The following WDR89 variants were observed in gnomAD, a reference collection of about 807,000 sequenced individuals.
WDR89 encodes the protein WD repeat-containing protein 89.
In WDR89, 17 loss-of-function variants were observed where a neutral mutation model predicts 29.1. The ratio of observed to expected loss-of-function variants is 0.58; its 90% CI spans 0.40 to 0.88. WDR89 has a LOEUF of 0.88. Ranked by LOEUF, WDR89 falls within the 40% of genes least tolerant of loss-of-function variation. The pLI, the probability that WDR89 is intolerant of heterozygous loss-of-function variation, is 0.00. For synonymous variants in WDR89, 138 were observed against 157.8 expected (o/e 0.87, Z 0.94); for missense variants, 396 against 456.3 (o/e 0.87, Z 1.20).
At chr14:63,616,901 A>C (rs1882343212) in intron 2 of WDR89, among the ~76,000 whole-genome samples, 1 of 152,074 alleles carries the variant, frequency 6.6e-6, no homozygotes, top group Non-Finnish European at 1.5e-5. Context: ...GTTCTAACAG[A>C]AGTGGCTGGA....
intron 1 of WDR89, among the ~76,000 whole-genome samples, chr14:63,637,350 G>A (rs2139581610): frequency 6.6e-6 from 1 of 152,342 alleles, no homozygotes; most frequent in Middle Eastern, 3.4e-3. Context: ...GGAAAACAGT[G>A]TGGAGATTCC....
chr14:63,601,628 A>G, intron 2 of WDR89: 1 of 1,613,408 alleles, frequency 6.2e-7, no homozygotes, highest in African/African-American at 1.3e-5. Context: ...AAGGAAAAGT[A>G]TTGCAAGCAA....
At chr14:63,612,604 A>C (rs1329849895) in intron 2 of WDR89, among the ~76,000 whole-genome samples, 1 of 152,018 alleles carries the variant, frequency 6.6e-6, no homozygotes, top group African/African-American at 2.4e-5. Context: ...CAAACTCCTG[A>C]CCTCAGGTGA....
intron 1 of WDR89, among the ~76,000 whole-genome samples, chr14:63,635,987 A>C (rs963950941): frequency 6.6e-6 from 1 of 152,152 alleles, no homozygotes. Flanking sequence ...CAGGTGGATC[A>C]CTTGAGGTCA....
chr14:63,599,511 C>T lies in WDR89; in HGVS notation c.432G>A (p.Val144=). 6.2e-7 allele frequency: 1 copy of T among 1,614,166 alleles called. No individual in the cohort carries two copies. Among genetic ancestry groups the T allele is most frequent in the South Asian group, 1.1e-5 (1 of 91,080 alleles). Residue 144 remains valine, a synonymous_variant, in exon 3 of 3, where the codon GTG becomes GTA. Coordinates refer to ENST00000620954, the MANE Select transcript of WDR89 (RefSeq NM_080666.4). Reference sequence around the variant, plus strand: ...GAGAATTCATCCTTGCATCCCAAAACACCAACAATGCATCATCATCAACTT... The same window carrying T: ...GAGAATTCATCCTTGCATCCCAAAATACCAACAATGCATCATCATCAACTT... The part of the protein sequence containing the change: ...TEKVDDDALL[V]FWDARMNSQN...
Position 63,599,835 on chromosome 14 carries a change from T to C in WDR89, c.108A>G (p.Gln36=), listed in dbSNP as rs773754674. The C allele has an allele frequency of 6.2e-7, 1 of 1,614,170 alleles. No individual in the cohort carries two copies. The highest frequency in any genetic ancestry group is 8.5e-7 in the Non-Finnish European group (1 of 1,180,038). Residue 36 remains glutamine, a synonymous_variant, in exon 3 of 3, where the codon CAA becomes CAG. Transcript: ENST00000620954. ...LLGIDTSKTV[Q]AGKENLVAVL... is the part of the protein sequence containing the mutation. The stretch of plus-strand genomic sequence containing the variant: ...CAGCAACCAAGTTTTCCTTTCCTGC[T>C]TGGACAGTCTTTGATGTGTCTATAC...
At chr14:63,630,616 C>A (rs1299140873) in intron 1 of WDR89, 1 of 150,728 alleles carries the variant, frequency 6.6e-6, no homozygotes, top group Non-Finnish European at 1.5e-5. Flanking sequence ...GCACTCCAGC[C>A]TGGCCGACAG....
At position 63,636,533 on chromosome 14, in the gene WDR89, C is replaced by T. The variant is rs138352405; in HGVS notation, c.-138+5271G>A. On this transcript the variant is annotated intron_variant, in intron 1 of 2. Transcript: ENST00000620954. ...TCAAACTATACCATAAGGCCATAGT[C>T]ACCAAAACAGCATGGTACTGGTATA... is the stretch of plus-strand genomic sequence containing the variant. 4.1e-3 allele frequency among the ~76,000 whole-genome samples: 623 copies of T among 152,260 alleles called. 3 individuals carry two copies. The highest frequency in any genetic ancestry group is 0.017 in the Middle Eastern group (5 of 294).
chr14:63,604,299 G>A (rs1895214028), intron 2 of WDR89, among the ~76,000 whole-genome samples: 2 of 152,180 alleles, frequency 1.3e-5, no homozygotes, highest in South Asian at 2.1e-4. Flanking sequence ...GGTAGTGCAC[G>A]CCTGTAGTCC....
At chr14:63,627,678 T>C (rs1231492149) in intron 1 of WDR89, among the ~76,000 whole-genome samples, 1 of 152,220 alleles carries the variant, frequency 6.6e-6, no homozygotes, top group African/African-American at 2.4e-5. Context: ...AGTGGCTTTT[T>C]CTGGTTTCCT....
chr14:63,613,931 G>C (rs1882149537), intron 2 of WDR89, among the ~76,000 whole-genome samples: 1 of 148,714 alleles, frequency 6.7e-6, no homozygotes, highest in African/African-American at 2.5e-5. Context: ...TTATAGGCAT[G>C]AACCACCACG....
chr14:63,607,038 T>C (rs1238372230), intron 2 of WDR89, among the ~76,000 whole-genome samples: 1 of 152,242 alleles, frequency 6.6e-6, no homozygotes, highest in African/African-American at 2.4e-5. Context: ...AGGAATTACA[T>C]GTAAATTCTA....
At chr14:63,609,287 A>G (rs1444965381) in intron 2 of WDR89, among the ~76,000 whole-genome samples, 2 of 152,168 alleles carry the variant, frequency 1.3e-5, no homozygotes, top group Non-Finnish European at 2.9e-5. Flanking sequence ...TTCATTTCAC[A>G]TTTTAAAAGC....
At chr14:63,640,544 AG>A (rs1884040544) in intron 1 of WDR89, among the ~76,000 whole-genome samples, 1 of 151,610 alleles carries the variant, frequency 6.6e-6, no homozygotes, top group Non-Finnish European at 1.5e-5. Context: ...GCTGGAGTAC[AG>A]TAGCACGATC....
chr14:63,601,651 T>G, intron 2 of WDR89: 1 of 1,613,288 alleles, frequency 6.2e-7, no homozygotes, highest in Non-Finnish European at 8.5e-7. Context: ...GTAGTCGCTG[T>G]TGGATCGGGT....
chr14:63,630,538 G>C (rs1441723584), intron 1 of WDR89: 4 of 151,910 alleles, frequency 2.6e-5, no homozygotes, highest in Non-Finnish European at 5.9e-5. Flanking sequence ...AACTACTCGG[G>C]ACGCTGAGGC....
intron 1 of WDR89, among the ~76,000 whole-genome samples, chr14:63,626,201 A>AAGG (rs1883038138): frequency 6.6e-6 from 1 of 152,194 alleles, no homozygotes; most frequent in South Asian, 2.1e-4. Context: ...TAACTAAAAT[A>AAGG]AGGTAAAACG....
chr14:63,600,841 A>C (rs1420503259), intron 2 of WDR89, among the ~76,000 whole-genome samples: 2 of 151,732 alleles, frequency 1.3e-5, no homozygotes, highest in East Asian at 3.9e-4. Context: ...ACATGGAATT[A>C]AGGTTGCTTA....
At chr14:63,639,276 T>C (rs1003563180) in intron 1 of WDR89, among the ~76,000 whole-genome samples, 2 of 151,430 alleles carry the variant, frequency 1.3e-5, no homozygotes, top group African/African-American at 2.4e-5. Context: ...TGCCAGAACT[T>C]TGGGAGGCCA....
Sources: gnomAD v4.1 joint callset for allele counts (sites outside exome capture counted in the v4.1 genomes callset) on GRCh38, gnomAD v4.1.1 for gene constraint, MANE v1.5 for transcripts, NCBI Gene and HGNC (gene_info 2026-07-23, HGNC 2026-07-21) for gene names.